PRDM10: variants seen among roughly 807,000 people sequenced by gnomAD.
The protein encoded by PRDM10 is PR/SET domain 10.
Under a neutral mutation model 133.1 loss-of-function variants are expected in PRDM10, and 65 were observed. That is an observed-to-expected ratio of 0.49 (90% CI 0.40 to 0.60). The LOEUF is 0.60. Among genes scored for constraint, PRDM10 ranks in the 20% least tolerant of loss-of-function variants. The pLI is 0.00. For synonymous variants in PRDM10, 582 were observed against 580.4 expected (o/e 1.00, Z -0.04); for missense variants, 1,137 against 1,507.1 (o/e 0.75, Z 4.07).
intron 20 of PRDM10, among the ~76,000 whole-genome samples, chr11:129,903,992 C>A (rs1949929736): frequency 6.6e-6 from 1 of 152,018 alleles, no homozygotes. Flanking sequence ...ATGGGTCCTA[C>A]AGGGAACAAA....
intron 17 of PRDM10, among the ~76,000 whole-genome samples, chr11:129,914,209 C>T (rs984796853): frequency 1.3e-5 from 2 of 152,188 alleles, no homozygotes; most frequent in East Asian, 1.9e-4. Context: ...GCCATGTTGG[C>T]CAGGCTGGTC....
At chr11:130,001,324 T>C (rs1939360165) in intron 1 of PRDM10, among the ~76,000 whole-genome samples, 1 of 152,156 alleles carries the variant, frequency 6.6e-6, no homozygotes, top group African/African-American at 2.4e-5. Flanking sequence ...CCTTCTTGCC[T>C]TACAGCGATG....
At chr11:129,985,798 AAAAAAAAAAAAATATATAT>A (rs1170743849) in intron 1 of PRDM10, among the ~76,000 whole-genome samples, 13 of 122,402 alleles carry the variant, frequency 1.1e-4, no homozygotes, top group African/African-American at 4.5e-4. Context: ...AAAAAAAAAA[AAAAAAAAAAAAATATATAT>A]ATATATATAT....
intron 1 of PRDM10, among the ~76,000 whole-genome samples, chr11:129,978,202 G>C (rs558603488): frequency 6.6e-6 from 1 of 152,218 alleles, no homozygotes; most frequent in East Asian, 1.9e-4. Flanking sequence ...GCGTGTCTAG[G>C]GGCCACTCAC....
intron 1 of PRDM10, among the ~76,000 whole-genome samples, chr11:129,984,047 C>T (rs1293505343): frequency 3.9e-5 from 6 of 152,142 alleles, no homozygotes; most frequent in Non-Finnish European, 8.8e-5. Context: ...TTCTTGTCTC[C>T]AAAAAGGACT....
Position 129,929,112 on chromosome 11 carries a change from T to C in PRDM10, c.1530+1904A>G, listed in dbSNP as rs372092258. Among the ~76,000 whole-genome samples, 6 of 152,232 alleles carry C rather than the reference T, an allele frequency of 3.9e-5. No individual in the cohort carries two copies. In the South Asian group the frequency reaches 8.3e-4, roughly 21 times the overall value. On this transcript the variant is annotated intron_variant, in intron 11 of 20. Transcript: ENST00000360871. ...AAATTCTATTGTGTACCTAGCATAG[T>C]GCCAAATAGACAGTTAGAACTCAAC... is the stretch of plus-strand genomic sequence containing the variant.
At chr11:129,996,134 CTGTT>C (rs1939053279) in intron 1 of PRDM10, among the ~76,000 whole-genome samples, 1 of 152,158 alleles carries the variant, frequency 6.6e-6, no homozygotes, top group African/African-American at 2.4e-5. Flanking sequence ...AATTTAGAAT[CTGTT>C]TGGGAAGCAA....
intron 13 of PRDM10, among the ~76,000 whole-genome samples, chr11:129,919,845 C>T (rs1322614583): frequency 3.3e-5 from 5 of 152,138 alleles, no homozygotes; most frequent in Non-Finnish European, 7.3e-5. Context: ...GGATAAGGGC[C>T]GAGCTCCAAT....
intron 4 of PRDM10, 34 bp downstream of exon 4, chr11:129,955,478 G>A: frequency 6.2e-7 from 1 of 1,605,356 alleles, no homozygotes; most frequent in Non-Finnish European, 8.5e-7. Context: ...CATTCACAGT[G>A]TTATCCCCAA....
intron 1 of PRDM10, among the ~76,000 whole-genome samples, chr11:129,991,767 C>T (rs1346174502): frequency 6.7e-6 from 1 of 150,166 alleles, no homozygotes; most frequent in Admixed American, 6.7e-5. Context: ...TGCAGTGATC[C>T]GATATCGCGC....
Position 129,925,326 on chromosome 11 carries a change from A to G in PRDM10, c.1531-97T>C. ...GAAAGAGAGGATGATCTCTGCAATC[A>G]CAGACTTCCCATAGAAGTTCAACTC... On this transcript the variant is annotated intron_variant, in intron 11 of 20. Transcript: ENST00000360871. 4 of 1,152,238 alleles carry G rather than the reference A, an allele frequency of 3.5e-6. No individual in the cohort carries two copies. In the South Asian group the frequency reaches 4.8e-5, roughly 14 times the overall value. The allele number at this position is 1,152,238 out of a possible 1,614,324, so 71.4% of individuals were successfully genotyped here. A position where few individuals can be genotyped will look rare whatever the true frequency, so the allele number is the denominator to read the frequency against.
At chr11:129,930,092 T>G (rs1307550648) in intron 11 of PRDM10, among the ~76,000 whole-genome samples, 1 of 152,226 alleles carries the variant, frequency 6.6e-6, no homozygotes, top group Non-Finnish European at 1.5e-5. Flanking sequence ...CATGAAGGCA[T>G]GGACTAGACT....
intron 13 of PRDM10, among the ~76,000 whole-genome samples, chr11:129,921,375 A>G (rs1011460698): frequency 6.6e-6 from 1 of 152,212 alleles, no homozygotes; most frequent in African/African-American, 2.4e-5. Context: ...GAGTGAGAGC[A>G]AGTGCAAAGG....
rs941912179 is a variant in PRDM10, at chr11:129,945,708, G to A, written c.521-696C>T. Among the ~76,000 whole-genome samples, 16 of 152,106 alleles carry A rather than the reference G, an allele frequency of 1.1e-4. No individual in the cohort carries two copies. The highest frequency in any genetic ancestry group is 3.6e-4 in the African/African-American group (15 of 41,420). The stretch of plus-strand genomic sequence containing the variant: ...AGGAGCACCCACCTGTAAGCTAACC[G>A]CCAGAACGAGACAGGTACAGCCCCA... On this transcript the variant is annotated intron_variant, in intron 5 of 20. Transcript: ENST00000360871. The surrounding 1 kb of genome is among the most constrained non-coding windows in gnomAD (Gnocchi z 4.2).
intron 4 of PRDM10, among the ~76,000 whole-genome samples, chr11:129,953,866 A>G (rs1330588462): frequency 6.8e-6 from 1 of 147,766 alleles, no homozygotes; most frequent in Non-Finnish European, 1.5e-5. Context: ...TACATGTAAA[A>G]TAATAAATGA....
At chr11:130,001,618 C>A (rs1014887707) in intron 1 of PRDM10, among the ~76,000 whole-genome samples, 1 of 152,202 alleles carries the variant, frequency 6.6e-6, no homozygotes, top group Admixed American at 6.5e-5. Flanking sequence ...CCAACTCATC[C>A]ACCAAGCAAG....
chr11:129,910,459 C>T lies in PRDM10; in HGVS notation c.3163+17G>A, dbSNP rs1950152093. On this transcript the variant is annotated intron_variant, in intron 19 of 20. Transcript: ENST00000360871. ...CCCCCACCCCTGACCGACACGGCAT[C>T]GTCCCTTCTTACTTACAATAGCCAC... 3 of 1,613,622 alleles carry T rather than the reference C, an allele frequency of 1.9e-6. No individual in the cohort carries two copies. Among genetic ancestry groups the T allele is most frequent in the East Asian group, 2.2e-5 (1 of 44,874 alleles).
At chr11:129,928,954 C>A (rs1950768342) in intron 11 of PRDM10, among the ~76,000 whole-genome samples, 1 of 152,304 alleles carries the variant, frequency 6.6e-6, no homozygotes, top group African/African-American at 2.4e-5. Flanking sequence ...CTCACCTTAT[C>A]CAAGAATTAT....
chr11:129,990,730 C>T (rs546889439), intron 1 of PRDM10, among the ~76,000 whole-genome samples: 1 of 152,216 alleles, frequency 6.6e-6, no homozygotes, highest in East Asian at 1.9e-4. Context: ...CTTCGGCCCC[C>T]CAAAGTGCTG....
Sources: gnomAD v4.1 joint callset for allele counts (sites outside exome capture counted in the v4.1 genomes callset) on GRCh38, gnomAD v4.1.1 for gene constraint, Gnocchi (gnomAD v3.1) non-coding constraint, MANE v1.5 for transcripts, NCBI Gene and HGNC (gene_info 2026-07-23, HGNC 2026-07-21) for gene names.